METTL21C: variants seen among roughly 807,000 people sequenced by gnomAD.
METTL21C encodes protein-lysine methyltransferase METTL21C.
METTL21C carries 21 observed loss-of-function variants against 25.9 expected under a neutral mutation model. The ratio of observed to expected loss-of-function variants is 0.81; its 90% CI spans 0.58 to 1.17. The LOEUF is 1.17. Among genes scored for constraint, METTL21C ranks in the 50% most tolerant of loss-of-function variants. The pLI is 0.00. For synonymous variants in METTL21C, 125 were observed against 124.7 expected (o/e 1.00, Z -0.01); for missense variants, 312 against 315.1 (o/e 0.99, Z 0.07).
the METTL21C span, among the ~76,000 whole-genome samples, chr13:102,703,034 A>G: frequency 6.6e-6 from 1 of 152,216 alleles, no homozygotes; most frequent in African/African-American, 2.4e-5. Flanking sequence ...TCTTTTTCTC[A>G]AGATCTTTCC....
In METTL21C at chr13:102,686,545, T is replaced by C. The variant is rs1369099861; in HGVS notation, c.401-120A>G. 3.4e-6 allele frequency: 4 copies of C among 1,188,302 alleles called. No homozygotes were observed. The Admixed American group carries it at 1.1e-4, about 32-fold the overall frequency. 73.6% of individuals were successfully genotyped at this position (1,188,302 alleles called of 1,614,324 possible). A position where few individuals can be genotyped will look rare whatever the true frequency, so the allele number is the denominator to read the frequency against. On this transcript the variant is annotated intron_variant, in intron 3 of 3. Coordinates refer to ENST00000267273, the MANE Select transcript of METTL21C (RefSeq NM_001010977.3). ...GCCTTGGCTCTATTGGTGGGTGGGC[T>C]GGACATGTTTGACCTAATGTGGGCT...
At position 102,691,373 on chromosome 13, in the gene METTL21C, A is replaced by G. The variant is rs1885828271; in HGVS notation, c.131-409T>C. On this transcript the variant is annotated intron_variant, in intron 1 of 3. Transcript: ENST00000267273. ...CTTTTTTTTTTTTTCTTTTTGAGAC[A>G]GAGTCTCACTCTGTTGCCCAGGCTA... Among the ~76,000 whole-genome samples the G allele has an allele frequency of 3.3e-5, 5 of 151,390 alleles. 1 individual carries two copies. The highest frequency in any genetic ancestry group is 1.3e-4 in the Admixed American group (2 of 15,214).
intron 3 of METTL21C, 35 bp downstream of exon 3, chr13:102,686,905 G>A: frequency 6.6e-7 from 1 of 1,523,274 alleles, no homozygotes; most frequent in Non-Finnish European, 9.1e-7. Context: ...TTACAGTAAA[G>A]ATCTGGATAC....
chr13:102,690,680 A>T, intron 2 of METTL21C, 133 bp downstream of exon 2: 1 of 975,068 alleles, frequency 1.0e-6, no homozygotes, highest in African/African-American at 2.1e-5. Flanking sequence ...AACACCCTCC[A>T]GGGGGCAAGC....
At chr13:102,703,498 G>C in the METTL21C span, among the ~76,000 whole-genome samples, 2 of 152,194 alleles carry the variant, frequency 1.3e-5, no homozygotes, top group Non-Finnish European at 2.9e-5. Context: ...TAAATGGAAA[G>C]AAAACCCTGA....
rs376675053 is a variant in METTL21C at position 102,695,028 on chromosome 13, A to G, written c.-530T>C. Among the ~76,000 whole-genome samples the G allele has an allele frequency of 6.6e-6, 1 of 152,078 alleles. No homozygotes were observed. Among genetic ancestry groups the G allele is most frequent in the African/African-American group, 2.4e-5 (1 of 41,410 alleles). The stretch of plus-strand genomic sequence containing the variant: ...GCCCCTGTGGCATCCAGTTGCTGCG[A>G]TGTGGTTCGAAACGTTAGACTTCCA... On this transcript the variant is annotated 5_prime_UTR_variant, in exon 1 of 4. Coordinates refer to ENST00000267273, the MANE Select transcript of METTL21C (RefSeq NM_001010977.3).
the METTL21C span, among the ~76,000 whole-genome samples, chr13:102,700,275 C>T: frequency 5.3e-5 from 8 of 152,304 alleles, no homozygotes; most frequent in Non-Finnish European, 1.2e-4. Context: ...AATCACCTGC[C>T]TTGTAAAGTG....
chr13:102,690,438 A>AAG (rs989810871), intron 2 of METTL21C, among the ~76,000 whole-genome samples: 2 of 150,910 alleles, frequency 1.3e-5, no homozygotes, highest in Admixed American at 6.6e-5. Context: ...AAAAAAAAAA[A>AAG]AGAGAGAGAT....
rs190005436 is a variant in METTL21C, at chr13:102,689,478, G to A, written c.282+1335C>T. Among the ~76,000 whole-genome samples the A allele has an allele frequency of 3.2e-3, 493 of 152,298 alleles. 4 individuals carry two copies. Among genetic ancestry groups the A allele is most frequent in the African/African-American group, 0.011 (445 of 41,566 alleles). On this transcript the variant is annotated intron_variant, in intron 2 of 3. Coordinates refer to ENST00000267273, the MANE Select transcript of METTL21C (RefSeq NM_001010977.3). Reference sequence around the variant, plus strand: ...ACCCTTCTCCCCATCCTGTGCCATCGCCAGATGACCTGAGGGAGCCCCGTG... The same window carrying A: ...ACCCTTCTCCCCATCCTGTGCCATCACCAGATGACCTGAGGGAGCCCCGTG...
At chr13:102,687,955 G>A (rs1885718747) in intron 2 of METTL21C, among the ~76,000 whole-genome samples, 1 of 152,144 alleles carries the variant, frequency 6.6e-6, no homozygotes, top group Non-Finnish European at 1.5e-5. Context: ...TTACGTGTAT[G>A]GCAATGAGGC....
chr13:102,690,291 C>T (rs148805872), intron 2 of METTL21C, among the ~76,000 whole-genome samples: 2,363 of 151,910 alleles, frequency 0.016, 64 homozygotes, highest in South Asian at 0.062. Context: ...CATGGTGGCG[C>T]GCACCTGTAG....
At chr13:102,688,969 CCTT>C (rs1369513539) in intron 2 of METTL21C, among the ~76,000 whole-genome samples, 8 of 152,122 alleles carry the variant, frequency 5.3e-5, no homozygotes, top group Admixed American at 3.3e-4. Flanking sequence ...CTCTAGATGC[CCTT>C]CTTGTGCAGC....
Position 102,690,899 on chromosome 13 carries a change from A to G in METTL21C, c.196T>C (p.Tyr66His), listed in dbSNP as rs748371783. The change falls in exon 2 of 4, where the codon TAC becomes CAC. Residue 66 changes from tyrosine to histidine, a missense_variant. Physicochemically the swap from Tyr to His is moderately conservative, Grantham distance 83 (BLOSUM62 2). Transcript: ENST00000267273. ...QKFVPTDYAS[Y>H]TQEHYRFAGK... ...GCAAACCGATAATGCTCCTGAGTGT[A>G]GCTGGCGTAATCTGTAGGAACAAAT... 7 of 1,614,012 alleles carry G rather than the reference A, an allele frequency of 4.3e-6. No homozygotes were observed. Among genetic ancestry groups the G allele is most frequent in the Middle Eastern group, 1.6e-4 (1 of 6,084 alleles).
At chr13:102,694,303 C>T in intron 1 of METTL21C, 66 bp downstream of exon 1, 1 of 1,541,812 alleles carries the variant, frequency 6.5e-7, no homozygotes, top group Non-Finnish European at 8.8e-7. Flanking sequence ...CTGAAATTTA[C>T]TTGAAGATGT....
upstream of METTL21C, among the ~76,000 whole-genome samples, chr13:102,697,664 T>A (rs1885968344): frequency 1.3e-5 from 2 of 152,146 alleles, no homozygotes; most frequent in Non-Finnish European, 2.9e-5. Flanking sequence ...CTGAGCTGCA[T>A]CTTCCAAGCA....
chr13:102,697,511 G>A (rs1885965851), upstream of METTL21C, among the ~76,000 whole-genome samples: 1 of 152,150 alleles, frequency 6.6e-6, no homozygotes, highest in African/African-American at 2.4e-5. Flanking sequence ...TTGCCATGAA[G>A]GGTAAACCAC....
chr13:102,692,267 T>C (rs1885850595), intron 1 of METTL21C, among the ~76,000 whole-genome samples: 1 of 150,354 alleles, frequency 6.7e-6, no homozygotes, highest in South Asian at 2.1e-4. Context: ...GGGAGAAACC[T>C]GGTCAGCAGG....
chr13:102,688,866 TCC>T (rs530940052), intron 2 of METTL21C, among the ~76,000 whole-genome samples: 42 of 89,076 alleles, frequency 4.7e-4, no homozygotes, highest in South Asian at 1.6e-3. Flanking sequence ...TTGCAAACAT[TCC>T]CCCGCCAGCC....
chr13:102,690,605 G>A (rs996416031), intron 2 of METTL21C, among the ~76,000 whole-genome samples: 1 of 152,000 alleles, frequency 6.6e-6, no homozygotes, highest in East Asian at 1.9e-4. Flanking sequence ...TCGAGAAACA[G>A]AGCTTGAAGC....
Sources: gnomAD v4.1 joint callset for allele counts (sites outside exome capture counted in the v4.1 genomes callset) on GRCh38, gnomAD v4.1.1 for gene constraint, MANE v1.5 for transcripts, NCBI Gene and HGNC (gene_info 2026-07-23, HGNC 2026-07-21) for gene names.